The following COLEC10 variants were observed in gnomAD, a reference collection of about 807,000 sequenced individuals.
COLEC10 encodes collectin-10.
Under a neutral mutation model 28.4 loss-of-function variants are expected in COLEC10, and 22 were observed. That is an observed-to-expected ratio of 0.78 (90% CI 0.55 to 1.11). The LOEUF (loss-of-function observed/expected upper bound fraction) is 1.11. Ranked by LOEUF, COLEC10 falls within the 50% of genes least tolerant of loss-of-function variation. The pLI is 0.00. For synonymous variants in COLEC10, 125 were observed against 116.1 expected, an observed-to-expected ratio of 1.08 and a Z score of -0.49; for missense variants, 361 against 344.1, an observed-to-expected ratio of 1.05 and a Z score of -0.39.
intron 1 of COLEC10, among the ~76,000 whole-genome samples, chr8:119,071,952 C>T (rs1197343898): frequency 6.6e-6 from 1 of 152,198 alleles, no homozygotes; most frequent in Non-Finnish European, 1.5e-5. Flanking sequence ...TCCTGGGGGC[C>T]ATGGCCATTG....
At chr8:119,041,418 T>G (rs1465124847) in intron 2 of COLEC10, among the ~76,000 whole-genome samples, 1 of 152,230 alleles carries the variant, frequency 6.6e-6, no homozygotes, top group Non-Finnish European at 1.5e-5. Context: ...TTTAAAATAT[T>G]TCTATGAAGT....
intron 2 of COLEC10, among the ~76,000 whole-genome samples, chr8:119,032,761 C>T (rs1460201517): frequency 6.6e-6 from 1 of 152,180 alleles, no homozygotes; most frequent in East Asian, 1.9e-4. Context: ...AATTAGCCAG[C>T]CGTGCTGGCG....
upstream of COLEC10, among the ~76,000 whole-genome samples, chr8:119,066,604 A>G (rs1216795339): frequency 1.3e-5 from 2 of 152,176 alleles, no homozygotes; most frequent in African/African-American, 2.4e-5. Context: ...CTTTGCCCAC[A>G]TTTCAGAATA....
chr8:118,959,290 T>C, the COLEC10 span, among the ~76,000 whole-genome samples: 1 of 152,206 alleles, frequency 6.6e-6, no homozygotes, highest in Non-Finnish European at 1.5e-5. Context: ...GTAGCAAATG[T>C]GGTCAAGTCA....
Position 119,016,259 on chromosome 8 carries a change from A to G in COLEC10, n.235+6706A>G, listed in dbSNP as rs372673704. The stretch of plus-strand genomic sequence containing the variant: ...TGTTCTCATTGTTCACCTTCCGCTT[A>G]TAAGTAAGAACATGCAGTGTTTGGT... On this transcript the variant is annotated intron_variant and non_coding_transcript_variant, in intron 2 of 6. Transcript: ENST00000521788. Among the ~76,000 whole-genome samples the G allele has an allele frequency of 9.9e-5, 15 of 152,078 alleles. No individual in the cohort carries two copies. In the East Asian group the frequency reaches 2.7e-3, roughly 27 times the overall value.
intron 1 of COLEC10, among the ~76,000 whole-genome samples, chr8:119,079,370 A>G (rs746944293): frequency 2.5e-4 from 38 of 152,262 alleles, no homozygotes; most frequent in Middle Eastern, 3.4e-3. Context: ...CCTTTCAGTG[A>G]TGGAGCCTGG....
At chr8:119,076,953 G>A (rs1029083414) in intron 1 of COLEC10, among the ~76,000 whole-genome samples, 2 of 152,168 alleles carry the variant, frequency 1.3e-5, no homozygotes, top group Admixed American at 6.5e-5. Flanking sequence ...TGCGTGGGTT[G>A]GGGGGACTTT....
At chr8:119,103,987 G>A (rs1237192299) in intron 5 of COLEC10, 92 bp downstream of exon 5, 16 of 914,868 alleles carry the variant, frequency 1.7e-5, no homozygotes, top group Non-Finnish European at 2.7e-5. Flanking sequence ...ATCTTGAGTT[G>A]GACAAAGGGC....
intron 2 of COLEC10, among the ~76,000 whole-genome samples, chr8:119,033,589 A>C (rs1814332468): frequency 6.6e-6 from 1 of 152,242 alleles, no homozygotes; most frequent in African/African-American, 2.4e-5. Flanking sequence ...AAGGTTATTA[A>C]CAGACACTTC....
At chr8:118,957,438 T>A in the COLEC10 span, among the ~76,000 whole-genome samples, 4 of 151,908 alleles carry the variant, frequency 2.6e-5, no homozygotes, top group South Asian at 8.3e-4. Flanking sequence ...ACAATGGAGG[T>A]AGAGAAAAGA....
chr8:119,036,792 T>C (rs1814396161), intron 2 of COLEC10, among the ~76,000 whole-genome samples: 1 of 152,116 alleles, frequency 6.6e-6, no homozygotes, highest in Non-Finnish European at 1.5e-5. Flanking sequence ...ACCCAAGGAA[T>C]AGAGGAATAA....
At chr8:119,076,101 C>G (rs1297658115) in intron 1 of COLEC10, among the ~76,000 whole-genome samples, 3 of 128,520 alleles carry the variant, frequency 2.3e-5, no homozygotes, top group African/African-American at 6.0e-5. Flanking sequence ...TAAGTAGAGA[C>G]GGGGTTTCAC....
intron 1 of COLEC10, among the ~76,000 whole-genome samples, chr8:119,009,161 T>C (rs1813860271): frequency 6.6e-6 from 1 of 150,946 alleles, no homozygotes; most frequent in Non-Finnish European, 1.5e-5. Context: ...CACTGGCCCA[T>C]ACCATTCTAT....
At chr8:118,955,921 A>G in the COLEC10 span, among the ~76,000 whole-genome samples, 1 of 152,232 alleles carries the variant, frequency 6.6e-6, no homozygotes, top group Non-Finnish European at 1.5e-5. Flanking sequence ...AGAGAGTTTT[A>G]AGCATGGGAG....
intron 3 of COLEC10, among the ~76,000 whole-genome samples, chr8:119,100,155 G>A (rs1815796089): frequency 6.6e-6 from 1 of 152,030 alleles, no homozygotes; most frequent in South Asian, 2.1e-4. Flanking sequence ...CAAACACCTT[G>A]CTTTTTTTCA....
chr8:118,953,074 A>T, the COLEC10 span, among the ~76,000 whole-genome samples: 1 of 152,192 alleles, frequency 6.6e-6, no homozygotes, highest in African/African-American at 2.4e-5. Context: ...GGGAGCAAGG[A>T]TGGCTTACCA....
intron 2 of COLEC10, among the ~76,000 whole-genome samples, chr8:119,030,323 T>C (rs958604910): frequency 7.2e-5 from 11 of 152,238 alleles, no homozygotes; most frequent in Non-Finnish European, 1.3e-4. Flanking sequence ...ATTTGTAATA[T>C]AACAAATGTT....
At chr8:119,005,605 A>T (rs765000503) in intron 1 of COLEC10, among the ~76,000 whole-genome samples, 4 of 152,152 alleles carry the variant, frequency 2.6e-5, no homozygotes, top group Non-Finnish European at 5.9e-5. Context: ...TCCCAAATAA[A>T]TTACCTTTAT....
chr8:119,073,981 CGT>C (rs1491423631), intron 1 of COLEC10, among the ~76,000 whole-genome samples: 2 of 150,380 alleles, frequency 1.3e-5, no homozygotes, highest in East Asian at 3.9e-4. Context: ...TATATATACA[CGT>C]ATATATATAC....
Sources: gnomAD v4.1 joint callset for allele counts (sites outside exome capture counted in the v4.1 genomes callset) on GRCh38, gnomAD v4.1.1 for gene constraint, MANE v1.5 for transcripts, NCBI Gene and HGNC (gene_info 2026-07-23, HGNC 2026-07-21) for gene names.